Variants in BCKDHB observed in about 807,000 individuals in gnomAD.
BCKDHB encodes branched chain keto acid dehydrogenase E1 subunit beta.
BCKDHB carries 41 observed loss-of-function variants against 48.5 expected under a neutral mutation model. The ratio of observed to expected loss-of-function variants is 0.85; its 90% CI spans 0.66 to 1.10. The LOEUF (loss-of-function observed/expected upper bound fraction) is 1.10. BCKDHB is among the 50% of genes least tolerant of loss of function. The pLI, the probability that BCKDHB is intolerant of heterozygous loss-of-function variation, is 0.00. For missense variants in BCKDHB, 496 were observed against 494.2 expected, an observed-to-expected ratio of 1.00 and a Z score of -0.03; for synonymous variants, 201 against 174.8, an observed-to-expected ratio of 1.15 and a Z score of -1.18.
At chr6:80,456,403 C>T in the BCKDHB span, among the ~76,000 whole-genome samples, 7 of 152,206 alleles carry the variant, frequency 4.6e-5, no homozygotes, top group African/African-American at 1.7e-4. Context: ...GGGGGTGTCT[C>T]TCACCTGCCC....
intron 3 of BCKDHB, among the ~76,000 whole-genome samples, chr6:80,135,496 A>G (rs1483759039): frequency 6.6e-6 from 1 of 152,100 alleles, no homozygotes; most frequent in Non-Finnish European, 1.5e-5. Context: ...TTCCTAATAT[A>G]TTTATTAAAA....
At chr6:80,309,566 T>C (rs1412993671) in intron 9 of BCKDHB, among the ~76,000 whole-genome samples, 1 of 152,170 alleles carries the variant, frequency 6.6e-6, no homozygotes, top group East Asian at 1.9e-4. Context: ...TATTCATGTA[T>C]TTTGGCCTGT....
At chr6:80,183,463 T>G (rs1400851426) in intron 6 of BCKDHB, among the ~76,000 whole-genome samples, 4 of 152,176 alleles carry the variant, frequency 2.6e-5, no homozygotes, top group Non-Finnish European at 5.9e-5. Context: ...CAATTTTAGA[T>G]TCACAGCAAA....
chr6:80,197,908 G>A (rs912623540), intron 6 of BCKDHB, among the ~76,000 whole-genome samples: 1 of 151,478 alleles, frequency 6.6e-6, no homozygotes, highest in Non-Finnish European at 1.5e-5. Context: ...TTGTCCACCC[G>A]CCCGTCCATT....
intron 1 of BCKDHB, among the ~76,000 whole-genome samples, chr6:80,118,246 A>T (rs950428454): frequency 7.2e-5 from 11 of 152,248 alleles, no homozygotes; most frequent in Non-Finnish European, 1.3e-4. Context: ...TGAATATTAC[A>T]ATAAAGTGAG....
chr6:80,378,939 T>C, the BCKDHB span, among the ~76,000 whole-genome samples: 2 of 151,886 alleles, frequency 1.3e-5, no homozygotes, highest in Non-Finnish European at 1.5e-5. Context: ...TGAAATCAAA[T>C]CAGTAATAAA....
At chr6:80,389,484 C>T in the BCKDHB span, among the ~76,000 whole-genome samples, 1 of 152,242 alleles carries the variant, frequency 6.6e-6, no homozygotes, top group Admixed American at 6.5e-5. Flanking sequence ...GGAATAGACA[C>T]TTACCTCAGA....
At chr6:80,373,395 C>T in the BCKDHB span, among the ~76,000 whole-genome samples, 1 of 151,934 alleles carries the variant, frequency 6.6e-6, no homozygotes, top group East Asian at 1.9e-4. Flanking sequence ...TTCAAAGAAC[C>T]AGTTTTTGTT....
At chr6:80,394,004 C>A in the BCKDHB span, among the ~76,000 whole-genome samples, 2 of 152,146 alleles carry the variant, frequency 1.3e-5, no homozygotes, top group Non-Finnish European at 2.9e-5. Context: ...CAATATTTTT[C>A]TTTTATAATT....
chr6:80,230,737 C>T (rs1415269127), intron 8 of BCKDHB, among the ~76,000 whole-genome samples: 2 of 152,162 alleles, frequency 1.3e-5, no homozygotes, highest in Non-Finnish European at 2.9e-5. Flanking sequence ...CAAGGACCTT[C>T]TTGCTGTGCC....
At chr6:80,382,886 A>G in the BCKDHB span, among the ~76,000 whole-genome samples, 1 of 152,170 alleles carries the variant, frequency 6.6e-6, no homozygotes, top group Non-Finnish European at 1.5e-5. Flanking sequence ...ATTATAACTC[A>G]TTTCAGTCAT....
intron 3 of BCKDHB, among the ~76,000 whole-genome samples, chr6:80,138,356 A>G (rs1485984293): frequency 6.6e-6 from 1 of 152,102 alleles, no homozygotes; most frequent in Admixed American, 6.6e-5. Context: ...GGTTAGTTAC[A>G]TATGTATACA....
At chr6:80,206,302 G>A (rs966386828) in intron 8 of BCKDHB, among the ~76,000 whole-genome samples, 2 of 152,018 alleles carry the variant, frequency 1.3e-5, no homozygotes, top group Admixed American at 6.6e-5. Flanking sequence ...GCAGAGCCAA[G>A]GAGTCAATCC....
rs999649672 is a variant in BCKDHB at position 80,168,314 on chromosome 6, CGA to C, written c.477+511_477+512del. On this transcript the variant is annotated intron_variant, in intron 4 of 9. Transcript: ENST00000320393. ...AAAGAAGAGAGAAAGAAAGAAAGAGCGAGAGAGAGGGGAGAGGGAAGAAGGGA... is the reference window on the plus strand; with the variant it reads ...AAAGAAGAGAGAAAGAAAGAAAGAGCGAGAGAGGGGAGAGGGAAGAAGGGA... Among the ~76,000 whole-genome samples the C allele has an allele frequency of 2.5e-4, 35 of 142,626 alleles. 1 individual carries two copies. In the Admixed American group the frequency reaches 2.6e-3, roughly 11 times the overall value. The allele number at this position is 142,626 out of a possible 152,430, so 93.6% of individuals were successfully genotyped here.
intron 9 of BCKDHB, among the ~76,000 whole-genome samples, chr6:80,278,226 TA>T: frequency 6.6e-6 from 1 of 152,102 alleles, no homozygotes; most frequent in Non-Finnish European, 1.5e-5. Context: ...TAGCAACAGA[TA>T]AAACAATCAG....
Position 80,169,123 on chromosome 6 carries a change from A to T in BCKDHB, c.633+93A>T, listed in dbSNP as rs940558406. 3 of 1,486,926 alleles carry T rather than the reference A, an allele frequency of 2.0e-6. No homozygotes were observed. The South Asian group carries it at 3.5e-5, about 17-fold the overall frequency. 92.1% of individuals were successfully genotyped at this position (1,486,926 alleles called of 1,614,324 possible). A position where few individuals can be genotyped will look rare whatever the true frequency, so the allele number is the denominator to read the frequency against. On this transcript the variant is annotated intron_variant, in intron 5 of 9. Transcript: ENST00000320393. ...ATCTATGCTTATCTAGAGGAAAGAA[A>T]ACAAACAGGATTCTTGGAATTTATG...
Position 80,343,944 on chromosome 6 carries a change from A to G in BCKDHB, c.*140A>G. Reference sequence around the variant, plus strand: ...AAGTTGGTAAAAGGCAACTTTCAGAAGAAAATAATGTGCTTTAGAAAAAAA... The same window carrying G: ...AAGTTGGTAAAAGGCAACTTTCAGAGGAAAATAATGTGCTTTAGAAAAAAA... On this transcript the variant is annotated 3_prime_UTR_variant, in exon 10 of 10. Coordinates refer to ENST00000320393, the MANE Select transcript of BCKDHB (RefSeq NM_183050.4). 1 of 1,071,864 alleles carries G rather than the reference A, an allele frequency of 9.3e-7. No individual in the cohort carries two copies. The highest frequency in any genetic ancestry group is 1.4e-6 in the Non-Finnish European group (1 of 705,376). 66.4% of individuals were successfully genotyped at this position (1,071,864 alleles called of 1,614,324 possible).
chr6:80,410,463 C>T, the BCKDHB span, among the ~76,000 whole-genome samples: 7 of 152,122 alleles, frequency 4.6e-5, no homozygotes, highest in African/African-American at 1.7e-4. Context: ...TTGTGGTGTT[C>T]TCTATATTTC....
intron 8 of BCKDHB, among the ~76,000 whole-genome samples, chr6:80,251,536 G>A (rs747405264): frequency 1.4e-4 from 21 of 152,128 alleles, no homozygotes; most frequent in Non-Finnish European, 1.9e-4. Flanking sequence ...TAAATCATGT[G>A]TCTGTTCTGT....
Sources: allele counts gnomAD v4.1 joint callset (sites outside exome capture counted in the v4.1 genomes callset), GRCh38; gene constraint gnomAD v4.1.1; transcripts MANE v1.5; gene names NCBI Gene and HGNC (gene_info 2026-07-23, HGNC 2026-07-21).